The following PTCH1 variants were observed in gnomAD, a reference collection of about 807,000 sequenced individuals.
The protein encoded by PTCH1 is protein patched homolog 1.
Under a neutral mutation model 144.6 loss-of-function variants are expected in PTCH1, and 14 were observed. The observed-to-expected ratio is 0.10, with a 90% CI of 0.06 to 0.15. The LOEUF (loss-of-function observed/expected upper bound fraction) is 0.15, where lower values mean the gene tolerates loss of function less well. Among genes scored for constraint, PTCH1 ranks in the 10% least tolerant of loss-of-function variants. The pLI, the probability that PTCH1 is intolerant of heterozygous loss-of-function variation, is 1.00. For synonymous variants in PTCH1, 833 were observed against 793.6 expected, an observed-to-expected ratio of 1.05 and a Z score of -0.83; for missense variants, 1,623 against 1,948.3, an observed-to-expected ratio of 0.83 and a Z score of 3.14.
In PTCH1 at chr9:95,449,988, C is replaced by T. The variant is rs1363256691; in HGVS notation, c.3450-48G>A. The T allele has an allele frequency of 1.9e-5, 29 of 1,538,176 alleles. No individual in the cohort carries two copies. Among genetic ancestry groups the T allele is most frequent in the East Asian group, 1.4e-4 (6 of 44,310 alleles). The stretch of plus-strand genomic sequence containing the variant: ...GAACACGCGCTGTGACAGGGTGGAT[C>T]GCGCCACCCTCCGTGTGCCCGACAC... On this transcript the variant is annotated intron_variant, in intron 20 of 23. Transcript: ENST00000331920. The surrounding 1 kb of genome is among the most constrained non-coding windows in gnomAD (Gnocchi z 5.3).
Position 95,446,099 on chromosome 9 carries a change from C to T in PTCH1, c.*294G>A. 4.4e-6 allele frequency: 1 copy of T among 224,800 alleles called. No homozygotes were observed. The highest frequency in any genetic ancestry group is 9.3e-6 in the Non-Finnish European group (1 of 107,192). The allele number at this position is 224,800 out of a possible 1,614,324, so 13.9% of individuals were successfully genotyped here. On this transcript the variant is annotated 3_prime_UTR_variant, in exon 24 of 24. Transcript: ENST00000331920. ...CTTGGTTGTGGCACGGAGCCCAATG[C>T]ACAAATACGGAGAGGCCCCACTGTG...
At chr9:95,502,103 C>T (rs528939146) in intron 2 of PTCH1, among the ~76,000 whole-genome samples, 1 of 152,316 alleles carries the variant, frequency 6.6e-6, no homozygotes, top group East Asian at 1.9e-4. Context: ...GGAGGCTGCC[C>T]TCCAGGAGGC....
chr9:95,446,241 TA>T lies in PTCH1; in HGVS notation c.*151del, dbSNP rs1164408304. ...ATATTTATAGAAATATTTAACAAAA[TA>T]ATACAATCGGTTACAGTAACAATGA... is the stretch of plus-strand genomic sequence containing the variant. On this transcript the variant is annotated 3_prime_UTR_variant, in exon 24 of 24. Coordinates refer to ENST00000331920, the MANE Select transcript of PTCH1 (RefSeq NM_000264.5). 2.4e-6 allele frequency: 1 copy of T among 408,576 alleles called. No homozygotes were observed. Among genetic ancestry groups the T allele is most frequent in the African/African-American group, 2.1e-5 (1 of 46,912 alleles). 25.3% of individuals were successfully genotyped at this position (408,576 alleles called of 1,614,324 possible).
At chr9:95,494,316 CCTG>C (rs1455213917) in intron 2 of PTCH1, 1 of 985,378 alleles carries the variant, frequency 1.0e-6, no homozygotes, top group Non-Finnish European at 1.2e-6. Context: ...CCACGCTGGA[CCTG>C]CTGCCTGTCG....
intron 3 of PTCH1, among the ~76,000 whole-genome samples, chr9:95,485,469 C>T (rs1247724550): frequency 3.3e-5 from 5 of 152,154 alleles, no homozygotes; most frequent in Admixed American, 2.6e-4. Flanking sequence ...TACTTACTGG[C>T]AATACATTAT....
chr9:95,462,661 T>C (rs1296600606), intron 15 of PTCH1, among the ~76,000 whole-genome samples: 1 of 152,186 alleles, frequency 6.6e-6, no homozygotes, highest in Non-Finnish European at 1.5e-5. Flanking sequence ...GGCGCTCGTG[T>C]GCACGCAGGG....
chr9:95,508,520 A>T lies in PTCH1; in HGVS notation c.-159T>A. On this transcript the variant is annotated 5_prime_UTR_variant, in exon 1 of 24. Transcript: ENST00000331920. ...GGGCTCGGGCTCCGGTTGACAGACCAGCCGCTGCTGCTGCTCACACGGCGG... is the reference window on the plus strand; with the variant it reads ...GGGCTCGGGCTCCGGTTGACAGACCTGCCGCTGCTGCTGCTCACACGGCGG... The T allele has an allele frequency of 9.9e-7, 1 of 1,014,394 alleles. No individual in the cohort carries two copies. Among genetic ancestry groups the T allele is most frequent in the Non-Finnish European group, 1.2e-6 (1 of 849,002 alleles). The allele number at this position is 1,014,394 out of a possible 1,614,324, so 62.8% of individuals were successfully genotyped here. A position where few individuals can be genotyped will look rare whatever the true frequency, so the allele number is the denominator to read the frequency against.
chr9:95,449,384 A>AAG lies in PTCH1; in HGVS notation c.3550-63_3550-62dup. 6.5e-7 allele frequency: 1 copy of AAG among 1,535,434 alleles called. No homozygotes were observed. Among genetic ancestry groups the AAG allele is most frequent in the Non-Finnish European group, 8.7e-7 (1 of 1,145,098 alleles). On this transcript the variant is annotated intron_variant, in intron 21 of 23. Coordinates refer to ENST00000331920, the MANE Select transcript of PTCH1 (RefSeq NM_000264.5). The surrounding 1 kb of genome is among the most constrained non-coding windows in gnomAD (Gnocchi z 5.3). ...TCCATTTACCTGCTGGCCACACTCA[A>AAG]AGCTCAAAGCACGGTATTTTTCAGG... is the stretch of plus-strand genomic sequence containing the variant.
At chr9:95,506,340 G>A (rs1587692327) in intron 2 of PTCH1, 67 bp downstream of exon 2, 1 of 1,540,654 alleles carries the variant, frequency 6.5e-7, no homozygotes, top group Non-Finnish European at 8.9e-7. Flanking sequence ...GTGCGCTGGC[G>A]AATATCTCTA....
upstream of PTCH1, among the ~76,000 whole-genome samples, chr9:95,512,383 C>G (rs1291066113): frequency 7.5e-6 from 1 of 132,808 alleles, no homozygotes; most frequent in African/African-American, 2.7e-5. Flanking sequence ...CTCCCCACCC[C>G]CCACCCGCCG....
chr9:95,484,127 T>G (rs1222439838), intron 3 of PTCH1: 1 of 152,170 alleles, frequency 6.6e-6, no homozygotes, highest in Non-Finnish European at 1.5e-5. Flanking sequence ...CCTCACATCT[T>G]CTCCTGAAGC....
chr9:95,470,257 T>G (rs553609064), intron 12 of PTCH1, among the ~76,000 whole-genome samples: 1 of 152,180 alleles, frequency 6.6e-6, no homozygotes, highest in African/African-American at 2.4e-5. Flanking sequence ...ACACTCGAGA[T>G]AGAATTTAAA....
rs755904085 is a variant in PTCH1, at chr9:95,478,085, G to A, written c.1317C>T (p.Val439=). The change falls in exon 9 of 24, where the codon GTC becomes GTT. Residue 439 remains valine, a synonymous_variant. Transcript: ENST00000331920. ...GTAAGTAGCCGCTGGCCACGCGGAT[G>A]ACACTGACGTCAGAGAAGGATTTCA... The part of the protein sequence containing the change: ...DILKSFSDVS[V]IRVASGYLLM... 2 of 1,614,186 alleles carry A rather than the reference G, an allele frequency of 1.2e-6. No individual in the cohort carries two copies. The highest frequency in any genetic ancestry group is 2.2e-5 in the South Asian group (2 of 91,074).
chr9:95,485,992 G>A (rs773125187), intron 2 of PTCH1, 118 bp from the exon 3 acceptor site: 2 of 1,098,790 alleles, frequency 1.8e-6, no homozygotes, highest in Non-Finnish European at 2.7e-6. Context: ...CATGAGACTG[G>A]CTGATGTGTG....
In PTCH1 at chr9:95,479,251, T is replaced by C. The variant is rs543194194; in HGVS notation, c.1068-104A>G. 6 of 1,437,342 alleles carry C rather than the reference T, an allele frequency of 4.2e-6. No homozygotes were observed. The Admixed American group carries it at 8.4e-5, about 20-fold the overall frequency. The allele number at this position is 1,437,342 out of a possible 1,614,324, so 89.0% of individuals were successfully genotyped here. On this transcript the variant is annotated intron_variant, in intron 7 of 23. Coordinates refer to ENST00000331920, the MANE Select transcript of PTCH1 (RefSeq NM_000264.5). The stretch of plus-strand genomic sequence containing the variant: ...TCCCCCAACTCACTGGCTGCAATTC[T>C]TTTCCTTCTCTGTGAGCACATGTTT...
Position 95,480,412 on chromosome 9 carries a change from G to A in PTCH1, c.923C>T (p.Ala308Val), listed in dbSNP as rs2118413122. 2 of 1,610,790 alleles carry A rather than the reference G, an allele frequency of 1.2e-6. No individual in the cohort carries two copies. Among genetic ancestry groups the A allele is most frequent in the Middle Eastern group, 1.7e-4 (1 of 6,042 alleles). The change falls in exon 6 of 24, where the codon GCC becomes GTC. Residue 308 changes from alanine (A) to valine (V), a missense_variant. Around this residue, in one of 7 missense-constraint regions of PTCH1, gnomAD observed 230 missense variants for 271.0 expected, o/e 0.85. Transcript: ENST00000331920. ...CACTTTGGTTGAATTTTTGTTGGGG[G>A]CTGTGGCGGGGCAGTCTGGATCGGC... ...NPADPDCPATAPNKNSTKPLD... is the reference protein window; with the variant it reads ...NPADPDCPATVPNKNSTKPLD...
chr9:95,462,131 C>T, intron 15 of PTCH1, 133 bp from the exon 16 acceptor site: 4 of 1,029,938 alleles, frequency 3.9e-6, no homozygotes, highest in South Asian at 2.6e-5. Context: ...CCTCTGTGTC[C>T]CACATCCACT....
rs1371905686 is a variant in PTCH1 at position 95,457,977 on chromosome 9, A to AT, written c.3168+35dup. 1.9e-6 allele frequency: 3 copies of AT among 1,613,234 alleles called. No individual in the cohort carries two copies. In the African/African-American group the frequency reaches 4.0e-5, roughly 22 times the overall value. ...TGCAGAAAGAGCTATGCTGAAAGGA[A>AT]TTTGACTTCCACAAAGCCCCTTATA... On this transcript the variant is annotated intron_variant, in intron 18 of 23. Coordinates refer to ENST00000331920, the MANE Select transcript of PTCH1 (RefSeq NM_000264.5).
upstream of PTCH1, among the ~76,000 whole-genome samples, chr9:95,511,624 G>A (rs867347374): frequency 9.8e-5 from 15 of 152,344 alleles, no homozygotes; most frequent in South Asian, 2.1e-4. Context: ...CGGGCAGCAT[G>A]CGAGGAAAAT....
Sources: gnomAD v4.1 joint callset for allele counts (sites outside exome capture counted in the v4.1 genomes callset) on GRCh38, gnomAD v4.1.1 for gene constraint, gnomAD v4.1.1 regional missense constraint, Gnocchi (gnomAD v3.1) non-coding constraint, MANE v1.5 for transcripts, NCBI Gene and HGNC (gene_info 2026-07-23, HGNC 2026-07-21) for gene names.